RBFOX1: variants seen among roughly 807,000 people sequenced by gnomAD.
The protein encoded by RBFOX1 is RNA binding fox-1 homolog 1.
Under a neutral mutation model 57.7 loss-of-function variants are expected in RBFOX1, and 8 were observed. The observed-to-expected ratio is 0.14, with a 90% CI of 0.08 to 0.25. The LOEUF is 0.25. RBFOX1 is among the 10% of genes least tolerant of loss of function. The pLI, the probability that RBFOX1 is intolerant of heterozygous loss-of-function variation, is 1.00. For synonymous variants in RBFOX1, 326 were observed against 222.4 expected, an observed-to-expected ratio of 1.47 and a Z score of -4.15; for missense variants, 611 against 548.5, an observed-to-expected ratio of 1.11 and a Z score of -1.14.
At chr16:5,346,014 A>G (rs1440346744) in intron 1 of RBFOX1, among the ~76,000 whole-genome samples, 2 of 152,196 alleles carry the variant, frequency 1.3e-5, no homozygotes, top group African/African-American at 2.4e-5. Flanking sequence ...GGGATTGTCA[A>G]CAATCCCTTT....
chr16:6,040,997 A>T (rs1477127888), intron 1 of RBFOX1, among the ~76,000 whole-genome samples: 1 of 152,172 alleles, frequency 6.6e-6, no homozygotes, highest in Non-Finnish European at 1.5e-5. Flanking sequence ...TGTTTTAGCT[A>T]TTATGACAGT....
chr16:6,289,132 T>C (rs1406113015), intron 1 of RBFOX1, among the ~76,000 whole-genome samples: 3 of 152,174 alleles, frequency 2.0e-5, no homozygotes, highest in Non-Finnish European at 2.9e-5. Context: ...AATTTACTTA[T>C]CTGTTTAGTG....
At chr16:5,306,846 AG>A (rs2063950014) in intron 1 of RBFOX1, among the ~76,000 whole-genome samples, 1 of 152,152 alleles carries the variant, frequency 6.6e-6, no homozygotes, top group African/African-American at 2.4e-5. Flanking sequence ...AACAAGTTTC[AG>A]CCTCCTCCAT....
chr16:6,499,125 C>A (rs1307762110), intron 2 of RBFOX1, among the ~76,000 whole-genome samples: 1 of 152,160 alleles, frequency 6.6e-6, no homozygotes, highest in Non-Finnish European at 1.5e-5. Context: ...AAATTATCAG[C>A]CAGGCAGCCT....
intron 1 of RBFOX1, among the ~76,000 whole-genome samples, chr16:6,279,215 A>G (rs550426106): frequency 6.6e-6 from 1 of 152,302 alleles, no homozygotes; most frequent in Non-Finnish European, 1.5e-5. Context: ...GACATTATTA[A>G]GGGAATTATG....
At chr16:7,260,516 C>T (rs1229157926) in intron 4 of RBFOX1, among the ~76,000 whole-genome samples, 1 of 152,064 alleles carries the variant, frequency 6.6e-6, no homozygotes, top group Non-Finnish European at 1.5e-5. Context: ...CCGTTAACTG[C>T]TTCTAGTCTC....
intron 1 of RBFOX1, among the ~76,000 whole-genome samples, chr16:6,136,473 C>T (rs781643354): frequency 1.3e-5 from 2 of 152,138 alleles, no homozygotes; most frequent in African/African-American, 4.8e-5. Context: ...GTGATAAGGG[C>T]TTACGCTTCA....
intron 2 of RBFOX1, among the ~76,000 whole-genome samples, chr16:6,401,484 A>G (rs1359878828): frequency 6.6e-6 from 1 of 152,188 alleles, no homozygotes; most frequent in South Asian, 2.1e-4. Flanking sequence ...TTTAAAACCT[A>G]CGCTAATTTG....
intron 5 of RBFOX1, among the ~76,000 whole-genome samples, chr16:7,550,679 C>T (rs370739456): frequency 6.6e-6 from 1 of 152,056 alleles, no homozygotes; most frequent in Non-Finnish European, 1.5e-5. Context: ...TGCCTCTGGA[C>T]GAATATGCAC....
intron 3 of RBFOX1, among the ~76,000 whole-genome samples, chr16:6,732,710 C>T (rs546621880): frequency 1.3e-5 from 2 of 152,352 alleles, no homozygotes; most frequent in South Asian, 4.1e-4. Flanking sequence ...GCCTAAAGCA[C>T]ATAAGCCTGA....
In RBFOX1 at chr16:7,709,096, C is replaced by G; in HGVS notation, c.1036C>G (p.Leu346Val). The G allele has an allele frequency of 1.9e-6, 3 of 1,613,578 alleles. No individual in the cohort carries two copies. The highest frequency in any genetic ancestry group is 2.5e-6 in the Non-Finnish European group (3 of 1,179,710). The change falls in exon 15 of 16, where the codon CTT becomes GTT. Residue 346 changes from leucine to valine, a missense_variant. Coordinates refer to ENST00000550418, the MANE Select transcript of RBFOX1 (RefSeq NM_018723.4). Reference protein sequence around the residue: ...VYAADPYHHALAPAPTYGVGA... With the variant: ...VYAADPYHHAVAPAPTYGVGA... ...TGCTGCCGACCCCTACCACCACGCA[C>G]TTGCTCCAGCCCCCACCTACGGCGT... is the stretch of plus-strand genomic sequence containing the variant.
intron 1 of RBFOX1, among the ~76,000 whole-genome samples, chr16:5,332,717 T>C (rs2064788673): frequency 6.6e-6 from 1 of 151,816 alleles, no homozygotes; most frequent in Non-Finnish European, 1.5e-5. Flanking sequence ...GAATTTTTAT[T>C]ACCATGTGTA....
intron 3 of RBFOX1, among the ~76,000 whole-genome samples, chr16:6,664,683 G>A (rs186379140): frequency 2.2e-4 from 34 of 152,328 alleles, no homozygotes; most frequent in Admixed American, 1.3e-4. Context: ...CTGAAATTGC[G>A]TGTTCAGAAC....
rs113176826 is a variant in RBFOX1 at position 6,422,826 on chromosome 16, C to T, written c.-64+105769C>T. Among the ~76,000 whole-genome samples the T allele has an allele frequency of 2.1e-4, 32 of 152,276 alleles. 1 individual carries two copies. Among genetic ancestry groups the T allele is most frequent in the African/African-American group, 7.7e-4 (32 of 41,556 alleles). ...CAGGCCCCACCTCCAACATTGGAGA[C>T]CACAATTTGACATGAGATTTGGCAA... On this transcript the variant is annotated intron_variant, in intron 2 of 15. Transcript: ENST00000550418.
chr16:6,237,505 A>G (rs1000442982), intron 1 of RBFOX1, among the ~76,000 whole-genome samples: 15 of 152,152 alleles, frequency 9.9e-5, no homozygotes, highest in Non-Finnish European at 1.6e-4. Context: ...CCTTATTGGG[A>G]GGCCAACACA....
At chr16:5,794,180 G>C (rs539366395) in intron 3 of RBFOX1, among the ~76,000 whole-genome samples, 101 of 152,142 alleles carry the variant, frequency 6.6e-4, no homozygotes, top group Non-Finnish European at 1.2e-3. Context: ...CAATCTCTAA[G>C]TCATGGGGTT....
In RBFOX1 at chr16:5,253,071, C is replaced by T. The variant is rs553918341; in HGVS notation, c.219+12966C>T. 2.0e-5 allele frequency among the ~76,000 whole-genome samples: 3 copies of T among 152,284 alleles called. No homozygotes were observed. The East Asian group carries it at 5.8e-4, about 29-fold the overall frequency. ...AGCCGCTTAATTTTCATCTGAAAGA[C>T]TCTCTGTAGAAACCAGGCTCAGCTT... is the stretch of plus-strand genomic sequence containing the variant. On this transcript the variant is annotated intron_variant, in intron 1 of 2. Coordinates refer to the RBFOX1 transcript ENST00000585867.
chr16:5,289,040 G>C (rs1034182309), intron 1 of RBFOX1, among the ~76,000 whole-genome samples: 9 of 152,150 alleles, frequency 5.9e-5, no homozygotes, highest in African/African-American at 2.2e-4. Context: ...CAGGGGAATC[G>C]CTTGAACCTG....
At chr16:6,513,777 A>G (rs2096306470) in intron 2 of RBFOX1, among the ~76,000 whole-genome samples, 1 of 152,226 alleles carries the variant, frequency 6.6e-6, no homozygotes, top group South Asian at 2.1e-4. Context: ...TCTGGAAACC[A>G]TGACATCATT....
Sources: allele counts gnomAD v4.1 joint callset (sites outside exome capture counted in the v4.1 genomes callset), GRCh38; gene constraint gnomAD v4.1.1; transcripts MANE v1.5; gene names NCBI Gene and HGNC (gene_info 2026-07-23, HGNC 2026-07-21).